PDE1A: variants seen among roughly 807,000 people sequenced by gnomAD.
The protein encoded by PDE1A is phosphodiesterase 1A.
In PDE1A, 35 loss-of-function variants were observed where a neutral mutation model predicts 61.7. The observed-to-expected ratio is 0.57, with a 90% confidence interval of 0.43 to 0.75. The LOEUF (loss-of-function observed/expected upper bound fraction) is 0.75. Among genes scored for constraint, PDE1A ranks in the 30% least tolerant of loss-of-function variants. The probability of loss-of-function intolerance (pLI) is 0.00; values close to 1 mark genes in which losing one functional copy is unlikely to be tolerated. For synonymous variants in PDE1A, 232 were observed against 213.2 expected (o/e 1.09, Z -0.77); for missense variants, 597 against 630.6 (o/e 0.95, Z 0.57).
chr2:182,194,890 CACA>C lies in PDE1A; in HGVS notation c.1126-5833_1126-5831del, dbSNP rs1686010856. 2.9e-5 allele frequency among the ~76,000 whole-genome samples: 4 copies of C among 135,754 alleles called. No individual in the cohort carries two copies. In the South Asian group the frequency reaches 8.4e-4, roughly 29 times the overall value. 89.1% of individuals were successfully genotyped at this position (135,754 alleles called of 152,430 possible). On this transcript the variant is annotated intron_variant, in intron 10 of 13. Transcript: ENST00000351439. ...CATTTTTCTGAAATATTCACACACA[CACA>C]CACACACACACACACACACACACAC...
chr2:182,456,295 G>A (rs1685916535), intron 2 of PDE1A, among the ~76,000 whole-genome samples: 1 of 151,928 alleles, frequency 6.6e-6, no homozygotes, highest in Non-Finnish European at 1.5e-5. Flanking sequence ...GTGGTGCTAG[G>A]GGCAGCAATA....
the PDE1A span, among the ~76,000 whole-genome samples, chr2:182,600,424 T>C: frequency 0.58 from 88,241 of 152,080 alleles, 26,656 homozygotes; most frequent in African/African-American, 0.73. Context: ...ACATTTTAAT[T>C]TTCACACTTG....
At position 182,211,863 on chromosome 2, in the gene PDE1A, C is replaced by G. The variant is rs144286852; in HGVS notation, c.777-5798G>C. ...GTGTATTAACCTTGTATTTTGCAAC[C>G]CTGCTATAATCACTTAGTTCCAGGA... is the stretch of plus-strand genomic sequence containing the variant. On this transcript the variant is annotated intron_variant, in intron 7 of 13. Coordinates refer to ENST00000351439, the Ensembl canonical transcript of PDE1A. Among the ~76,000 whole-genome samples, 3 of 152,152 alleles carry G rather than the reference C, an allele frequency of 2.0e-5. No individual in the cohort carries two copies. In the East Asian group the frequency reaches 5.8e-4, roughly 29 times the overall value.
At chr2:182,609,218 A>T in the PDE1A span, among the ~76,000 whole-genome samples, 1 of 152,190 alleles carries the variant, frequency 6.6e-6, no homozygotes, top group African/African-American at 2.4e-5. Context: ...TGTCTAGCCC[A>T]GGGATTGTAA....
chr2:182,450,702 T>C (rs998636078), intron 2 of PDE1A, among the ~76,000 whole-genome samples: 1 of 152,040 alleles, frequency 6.6e-6, no homozygotes, highest in African/African-American at 2.4e-5. Context: ...TTGGAAATTA[T>C]AATTTCTTCA....
At chr2:182,611,213 T>C in the PDE1A span, among the ~76,000 whole-genome samples, 1 of 152,212 alleles carries the variant, frequency 6.6e-6, no homozygotes, top group African/African-American at 2.4e-5. Context: ...GCACTGCCAT[T>C]TGGAGGTGCT....
chr2:182,332,493 A>G (rs989106323), intron 1 of PDE1A, among the ~76,000 whole-genome samples: 4 of 152,224 alleles, frequency 2.6e-5, no homozygotes, highest in East Asian at 1.9e-4. Flanking sequence ...CATGGATTTA[A>G]CTACCTTTGG....
At chr2:182,454,342 C>G (rs1025621821) in intron 2 of PDE1A, among the ~76,000 whole-genome samples, 6 of 152,094 alleles carry the variant, frequency 3.9e-5, no homozygotes, top group African/African-American at 1.4e-4. Flanking sequence ...GGCCACACTG[C>G]CCAAGGTAAT....
At chr2:182,245,439 C>T (rs373935927) in intron 2 of PDE1A, among the ~76,000 whole-genome samples, 4 of 152,102 alleles carry the variant, frequency 2.6e-5, no homozygotes, top group African/African-American at 7.2e-5. Flanking sequence ...CATATGTCTA[C>T]CATTACAGTA....
intron 1 of PDE1A, among the ~76,000 whole-genome samples, chr2:182,269,905 G>C (rs1376839511): frequency 6.6e-6 from 1 of 152,020 alleles, no homozygotes; most frequent in African/African-American, 2.4e-5. Context: ...GAAAGAAAAA[G>C]GCTATGGGCT....
chr2:182,162,979 A>G (rs992444391), downstream of PDE1A, among the ~76,000 whole-genome samples: 2 of 152,182 alleles, frequency 1.3e-5, no homozygotes, highest in Non-Finnish European at 2.9e-5. Flanking sequence ...TGTACCTAAG[A>G]CAATAGTAAA....
intron 1 of PDE1A, among the ~76,000 whole-genome samples, chr2:182,355,307 T>C (rs1443624605): frequency 1.3e-5 from 2 of 152,120 alleles, no homozygotes; most frequent in East Asian, 1.9e-4. Context: ...TGAATTTGTT[T>C]TGATACTCAC....
the PDE1A span, among the ~76,000 whole-genome samples, chr2:182,625,824 C>A: frequency 6.6e-6 from 1 of 152,122 alleles, no homozygotes; most frequent in African/African-American, 2.4e-5. Context: ...GAAGCTCAAA[C>A]CTTGATGTCT....
chr2:182,537,305 A>G, the PDE1A span, among the ~76,000 whole-genome samples: 3 of 152,198 alleles, frequency 2.0e-5, no homozygotes, highest in Non-Finnish European at 4.4e-5. Context: ...ACACCATGGA[A>G]TATTATGTAG....
At chr2:182,205,762 C>A (rs936088027) in intron 8 of PDE1A, among the ~76,000 whole-genome samples, 178 bp downstream of exon 8, 1 of 152,154 alleles carries the variant, frequency 6.6e-6, no homozygotes, top group African/African-American at 2.4e-5. Context: ...CCCTTTAACA[C>A]AGTCTGGCTC....
intron 2 of PDE1A, among the ~76,000 whole-genome samples, chr2:182,449,087 A>ACACACAC (rs1460786874): frequency 0.034 from 4,739 of 140,840 alleles, 119 homozygotes; most frequent in East Asian, 0.08. Context: ...CACACACACA[A>ACACACAC]ACAAAACCCA....
At chr2:182,517,169 G>T (rs1013130709) in intron 2 of PDE1A, among the ~76,000 whole-genome samples, 1 of 152,234 alleles carries the variant, frequency 6.6e-6, no homozygotes, top group Non-Finnish European at 1.5e-5. Context: ...GTTAGAGCTA[G>T]GTATATCTAT....
intron 12 of PDE1A, 115 bp from the exon 13 acceptor site, chr2:182,186,194 C>T (rs986015891): frequency 9.8e-6 from 11 of 1,120,670 alleles, no homozygotes; most frequent in African/African-American, 9.4e-5. Flanking sequence ...ATGCTCAGTC[C>T]CAGTTCTGAG....
chr2:182,698,503 A>G, the PDE1A span, among the ~76,000 whole-genome samples: 5 of 152,336 alleles, frequency 3.3e-5, no homozygotes, highest in African/African-American at 1.2e-4. Flanking sequence ...TCAGTAAAAT[A>G]TTATATACTA....
Sources: gnomAD v4.1 joint callset for allele counts (sites outside exome capture counted in the v4.1 genomes callset) on GRCh38, gnomAD v4.1.1 for gene constraint, MANE v1.5 for transcripts, NCBI Gene and HGNC (gene_info 2026-07-23, HGNC 2026-07-21) for gene names.